Variants in KLHL32 observed in about 807,000 individuals in gnomAD.
The protein encoded by KLHL32 is kelch like family member 32.
In KLHL32, 35 loss-of-function variants were observed where a neutral mutation model predicts 64.8. The observed-to-expected ratio is 0.54, with a 90% CI of 0.41 to 0.72. The LOEUF (loss-of-function observed/expected upper bound fraction) is 0.72, where lower values mean the gene tolerates loss of function less well. Ranked by LOEUF, KLHL32 falls within the 30% of genes least tolerant of loss-of-function variation. KLHL32 has a pLI of 0.00. For missense variants in KLHL32, 589 were observed against 768.5 expected, an observed-to-expected ratio of 0.77 and a Z score of 2.76; for synonymous variants, 259 against 281.0, an observed-to-expected ratio of 0.92 and a Z score of 0.78.
rs116695436 is a variant in KLHL32, at chr6:96,942,832, A to G, written c.-66+17806A>G. Among the ~76,000 whole-genome samples the G allele has an allele frequency of 8.9e-3, 1,350 of 152,108 alleles. 26 individuals carry two copies. Among genetic ancestry groups the G allele is most frequent in the African/African-American group, 0.031 (1,294 of 41,468 alleles). ...TTTCTACCTCCATCTCTAGTTTTTT[A>G]TTGTCCTCATTCTGCAGAGAATCAC... On this transcript the variant is annotated intron_variant, in intron 1 of 10. Coordinates refer to ENST00000369261, the MANE Select transcript of KLHL32 (RefSeq NM_052904.4).
intron 3 of KLHL32, among the ~76,000 whole-genome samples, chr6:96,987,796 C>T (rs1254981487): frequency 7.9e-5 from 12 of 152,076 alleles, no homozygotes; most frequent in East Asian, 1.9e-4. Context: ...AGAAATAATG[C>T]GGCATATCTA....
chr6:97,052,259 T>A (rs1010925136), intron 4 of KLHL32, among the ~76,000 whole-genome samples: 1 of 152,206 alleles, frequency 6.6e-6, no homozygotes, highest in South Asian at 2.1e-4. Flanking sequence ...CAGATGCACA[T>A]GCAGATGCAG....
rs56897651 is a variant in KLHL32, at chr6:97,099,357, G to T, written c.627+14016G>T. Among the ~76,000 whole-genome samples, 1,227 of 152,284 alleles carry T rather than the reference G, an allele frequency of 8.1e-3. 17 individuals carry two copies. Among genetic ancestry groups the T allele is most frequent in the African/African-American group, 0.028 (1,143 of 41,558 alleles). ...GGGCCCAGTTTCTTTTTCCTCTTCA[G>T]TGTGGCCTTCTCTATCTTCAGGGTT... On this transcript the variant is annotated intron_variant, in intron 6 of 10. Transcript: ENST00000369261.
At position 97,140,084 on chromosome 6, in the gene KLHL32, T is replaced by A. The variant is rs1421681155; in HGVS notation, c.*802T>A. On this transcript the variant is annotated 3_prime_UTR_variant, in exon 11 of 11. Transcript: ENST00000369261. Reference sequence around the variant, plus strand: ...CCTTGTAATTGAACAGGGAGATTATTTTTGAAGTTTAAAAATTACTAGATA... The same window carrying A: ...CCTTGTAATTGAACAGGGAGATTATATTTGAAGTTTAAAAATTACTAGATA... 6.6e-6 allele frequency: 1 copy of A among 152,122 alleles called. No homozygotes were observed. Among genetic ancestry groups the A allele is most frequent in the Non-Finnish European group, 1.5e-5 (1 of 67,994 alleles). 9.4% of individuals were successfully genotyped at this position (152,122 alleles called of 1,614,324 possible). A position where few individuals can be genotyped will look rare whatever the true frequency, so the allele number is the denominator to read the frequency against.
intron 3 of KLHL32, among the ~76,000 whole-genome samples, chr6:97,037,966 A>C (rs1251439968): frequency 6.6e-6 from 1 of 152,218 alleles, no homozygotes; most frequent in Non-Finnish European, 1.5e-5. Flanking sequence ...TTGCATAACT[A>C]TATGCAGAAG....
intron 3 of KLHL32, among the ~76,000 whole-genome samples, chr6:96,985,402 A>G (rs537977939): frequency 0.011 from 1,683 of 152,056 alleles, 39 homozygotes; most frequent in African/African-American, 0.039. Flanking sequence ...GTATTTCCTG[A>G]ATGTGAATGT....
intron 3 of KLHL32, among the ~76,000 whole-genome samples, chr6:97,024,111 A>G (rs1254724046): frequency 6.6e-6 from 1 of 152,242 alleles, no homozygotes; most frequent in Non-Finnish European, 1.5e-5. Flanking sequence ...TGTTAGGAAG[A>G]GGACTCAAGA....
intron 4 of KLHL32, among the ~76,000 whole-genome samples, chr6:97,046,777 C>A (rs1241031776): frequency 6.6e-6 from 1 of 152,108 alleles, no homozygotes; most frequent in African/African-American, 2.4e-5. Context: ...AAGGTTGGAG[C>A]ATAGGAATGT....
intron 3 of KLHL32, among the ~76,000 whole-genome samples, chr6:97,039,853 G>C (rs1193581095): frequency 1.9e-4 from 28 of 146,918 alleles, no homozygotes; most frequent in Admixed American, 4.1e-4. Context: ...AAAAAACAAA[G>C]AAAGAAAAGA....
At chr6:97,059,844 A>T (rs1396719509) in intron 4 of KLHL32, among the ~76,000 whole-genome samples, 1 of 152,166 alleles carries the variant, frequency 6.6e-6, no homozygotes. Flanking sequence ...TATCCAGTTC[A>T]TTTGATGATT....
the KLHL32 span, among the ~76,000 whole-genome samples, chr6:96,902,228 T>C: frequency 1.3e-5 from 2 of 152,220 alleles, no homozygotes; most frequent in Non-Finnish European, 2.9e-5. Context: ...TTCCTTTTTC[T>C]CCACAATCTT....
At chr6:97,113,612 A>G (rs1797459591) in intron 6 of KLHL32, among the ~76,000 whole-genome samples, 171 bp from the exon 7 acceptor site, 1 of 152,200 alleles carries the variant, frequency 6.6e-6, no homozygotes, top group Admixed American at 6.5e-5. Flanking sequence ...CTTTGCTGAG[A>G]CGGAAAAAAA....
chr6:96,921,555 A>G (rs1768756162), upstream of KLHL32, among the ~76,000 whole-genome samples: 1 of 152,222 alleles, frequency 6.6e-6, no homozygotes, highest in South Asian at 2.1e-4. Flanking sequence ...TGTTCTCTTG[A>G]GTAGTACAGT....
At chr6:97,133,642 AGTT>A (rs1490654814) in intron 10 of KLHL32, among the ~76,000 whole-genome samples, 5 of 152,182 alleles carry the variant, frequency 3.3e-5, no homozygotes, top group Admixed American at 6.5e-5. Flanking sequence ...GCTAGCATAT[AGTT>A]GTTGTGTTAT....
At chr6:97,117,309 G>A (rs1416775070) in intron 7 of KLHL32, among the ~76,000 whole-genome samples, 1 of 152,124 alleles carries the variant, frequency 6.6e-6, no homozygotes, top group Admixed American at 6.5e-5. Flanking sequence ...TTGAATCATT[G>A]GCATCCTTCT....
intron 1 of KLHL32, among the ~76,000 whole-genome samples, chr6:96,951,498 C>G (rs946717732): frequency 1.3e-5 from 2 of 152,068 alleles, no homozygotes; most frequent in African/African-American, 2.4e-5. Flanking sequence ...CAGTGCGCCA[C>G]CCCACACCCT....
chr6:96,943,385 TA>T (rs72275621), intron 1 of KLHL32, among the ~76,000 whole-genome samples: 43,779 of 139,872 alleles, frequency 0.31, 6,946 homozygotes, highest in Non-Finnish European at 0.39. Flanking sequence ...CAAGAAGAAG[TA>T]AAAAAAAAAA....
intron 1 of KLHL32, among the ~76,000 whole-genome samples, chr6:96,926,063 G>A (rs1019336622): frequency 1.8e-4 from 27 of 152,100 alleles, no homozygotes; most frequent in African/African-American, 5.3e-4. Context: ...TTGAGGTCTC[G>A]GGTGTCTATT....
chr6:96,967,447 A>G (rs1239701070), intron 2 of KLHL32, among the ~76,000 whole-genome samples: 1 of 152,008 alleles, frequency 6.6e-6, no homozygotes, highest in African/African-American at 2.4e-5. Flanking sequence ...ATAGATGTGT[A>G]TATATAGAGA....
Sources: allele counts gnomAD v4.1 joint callset (sites outside exome capture counted in the v4.1 genomes callset), GRCh38; gene constraint gnomAD v4.1.1; transcripts MANE v1.5; gene names NCBI Gene and HGNC (gene_info 2026-07-23, HGNC 2026-07-21).